CLASP1: variants seen among roughly 807,000 people sequenced by gnomAD.
CLASP1 encodes CLIP-associating protein 1.
In CLASP1, 38 loss-of-function variants were observed where a neutral mutation model predicts 192.3. That is an observed-to-expected ratio of 0.20 (90% CI 0.15 to 0.26). CLASP1 has a LOEUF of 0.26. CLASP1 is among the 10% of genes least tolerant of loss of function. CLASP1 has a pLI of 1.00. For synonymous variants in CLASP1, 691 were observed against 712.8 expected, an observed-to-expected ratio of 0.97 and a Z score of 0.49; for missense variants, 1,433 against 1,932.5, an observed-to-expected ratio of 0.74 and a Z score of 4.85.
intron 37 of CLASP1, among the ~76,000 whole-genome samples, chr2:121,358,970 A>G (rs1346979850): frequency 9.9e-5 from 15 of 152,278 alleles, no homozygotes; most frequent in Admixed American, 9.8e-4. Context: ...AGTTCAGAAT[A>G]AGCTAAGTCT....
intron 6 of CLASP1, among the ~76,000 whole-genome samples, chr2:121,517,444 C>A (rs566909522): frequency 5.7e-4 from 87 of 152,278 alleles, no homozygotes; most frequent in African/African-American, 1.9e-3. Context: ...TGGAAAAAGG[C>A]AAATCTTAGG....
At chr2:121,596,893 C>T (rs2063205536) in intron 2 of CLASP1, among the ~76,000 whole-genome samples, 1 of 152,154 alleles carries the variant, frequency 6.6e-6, no homozygotes. Context: ...CCCCGTTCCT[C>T]CAATCAGACC....
At chr2:121,448,072 C>T (rs780414704) in intron 18 of CLASP1, among the ~76,000 whole-genome samples, 1 of 152,228 alleles carries the variant, frequency 6.6e-6, no homozygotes, top group Non-Finnish European at 1.5e-5. Flanking sequence ...TAAGTCACCC[C>T]GTCAATGTTG....
intron 6 of CLASP1, among the ~76,000 whole-genome samples, chr2:121,524,639 T>C (rs1201314601): frequency 6.6e-6 from 1 of 152,076 alleles, no homozygotes; most frequent in Non-Finnish European, 1.5e-5. Context: ...GTATTTTTGG[T>C]AGAGATGGGG....
chr2:121,642,460 C>T lies in CLASP1; in HGVS notation c.-286+6912G>A, dbSNP rs189210884. On this transcript the variant is annotated intron_variant, in intron 1 of 39. Coordinates refer to ENST00000263710, the Ensembl canonical transcript of CLASP1. Reference sequence around the variant, plus strand: ...CCTGTCAAAACTCTCAGGCCAGGTGCAGTGGTTCACACCTGTAATCCCAGC... The same window carrying T: ...CCTGTCAAAACTCTCAGGCCAGGTGTAGTGGTTCACACCTGTAATCCCAGC... Among the ~76,000 whole-genome samples, 20 of 151,102 alleles carry T rather than the reference C, an allele frequency of 1.3e-4. No individual in the cohort carries two copies. In the East Asian group the frequency reaches 2.2e-3, roughly 16 times the overall value.
At chr2:121,592,386 C>T (rs1352455078) in intron 2 of CLASP1, among the ~76,000 whole-genome samples, 1 of 152,106 alleles carries the variant, frequency 6.6e-6, no homozygotes, top group African/African-American at 2.4e-5. Context: ...TATTAGGTTG[C>T]CTTAAACAAT....
chr2:121,404,150 T>G, intron 26 of CLASP1: 5 of 396,290 alleles, frequency 1.3e-5, no homozygotes, highest in Non-Finnish European at 1.7e-5. Context: ...CTGATAACAT[T>G]TACTTGAAAC....
chr2:121,471,335 C>CT (rs1454704152), intron 8 of CLASP1, among the ~76,000 whole-genome samples: 1 of 152,032 alleles, frequency 6.6e-6, no homozygotes, highest in African/African-American at 2.4e-5. Flanking sequence ...TATGCAAACA[C>CT]TTTAATGATG....
At chr2:121,610,603 T>G (rs1352397270) in intron 1 of CLASP1, among the ~76,000 whole-genome samples, 274 of 48,308 alleles carry the variant, frequency 5.7e-3, no homozygotes, top group Middle Eastern at 0.017. Flanking sequence ...GGAGGAGGAG[T>G]TGCAGGAGGA....
At chr2:121,516,625 A>G (rs2094303123) in intron 6 of CLASP1, among the ~76,000 whole-genome samples, 1 of 152,256 alleles carries the variant, frequency 6.6e-6, no homozygotes, top group Non-Finnish European at 1.5e-5. Flanking sequence ...TATATTACAC[A>G]TCACTGTATC....
chr2:121,582,648 GGA>G (rs1367294229), intron 2 of CLASP1, among the ~76,000 whole-genome samples: 1 of 150,094 alleles, frequency 6.7e-6, no homozygotes, highest in Non-Finnish European at 1.5e-5. Context: ...GGAGAGAGAG[GGA>G]GAGAGAGGGA....
chr2:121,539,460 T>C (rs1381216188), intron 2 of CLASP1, among the ~76,000 whole-genome samples: 1 of 152,202 alleles, frequency 6.6e-6, no homozygotes, highest in African/African-American at 2.4e-5. Flanking sequence ...TAAAAAGAAG[T>C]TGACTCCTAT....
intron 33 of CLASP1, among the ~76,000 whole-genome samples, chr2:121,379,533 A>ATG (rs2071124256): frequency 6.6e-6 from 1 of 152,198 alleles, no homozygotes; most frequent in Non-Finnish European, 1.5e-5. Flanking sequence ...TTTTATATAT[A>ATG]AAGACTGAGT....
chr2:121,573,912 C>T (rs566753776), intron 2 of CLASP1, among the ~76,000 whole-genome samples: 4 of 152,272 alleles, frequency 2.6e-5, no homozygotes, highest in South Asian at 4.1e-4. Flanking sequence ...CACACATAGA[C>T]CAGCAACAAA....
intron 10 of CLASP1, among the ~76,000 whole-genome samples, chr2:121,461,774 G>A (rs988821073): frequency 9.2e-5 from 14 of 152,048 alleles, no homozygotes; most frequent in African/African-American, 2.7e-4. Context: ...TCCACCTCCC[G>A]GGTTCAAGGG....
intron 14 of CLASP1, among the ~76,000 whole-genome samples, chr2:121,455,731 G>T (rs554929795): frequency 6.6e-6 from 1 of 152,084 alleles, no homozygotes; most frequent in East Asian, 1.9e-4. Context: ...GCGTGGTGGC[G>T]GACGCCTATG....
chr2:121,632,005 C>T (rs1048343552), intron 1 of CLASP1, among the ~76,000 whole-genome samples: 20 of 151,956 alleles, frequency 1.3e-4, no homozygotes, highest in African/African-American at 4.6e-4. Context: ...CGAGATCACG[C>T]CACTGCACTC....
chr2:121,623,695 T>C (rs935996924), intron 1 of CLASP1, among the ~76,000 whole-genome samples: 2 of 152,208 alleles, frequency 1.3e-5, no homozygotes, highest in African/African-American at 4.8e-5. Flanking sequence ...TTATTGCTAA[T>C]TCAATCTCTT....
chr2:121,474,663 G>C (rs1331221722), intron 8 of CLASP1, among the ~76,000 whole-genome samples: 2 of 152,190 alleles, frequency 1.3e-5, no homozygotes, highest in Non-Finnish European at 2.9e-5. Context: ...GTGAACCCAA[G>C]AGGCAGAGGT....
Sources: gnomAD v4.1 joint callset for allele counts (sites outside exome capture counted in the v4.1 genomes callset) on GRCh38, gnomAD v4.1.1 for gene constraint, MANE v1.5 for transcripts, NCBI Gene and HGNC (gene_info 2026-07-23, HGNC 2026-07-21) for gene names.